CACNA1C: variants seen among roughly 807,000 people sequenced by gnomAD.
CACNA1C encodes the protein calcium voltage-gated channel subunit alpha1 C.
Under a neutral mutation model 229.0 loss-of-function variants are expected in CACNA1C, and 30 were observed. That is an observed-to-expected ratio of 0.13 (90% confidence interval 0.10 to 0.18). The LOEUF (loss-of-function observed/expected upper bound fraction) is 0.18. Ranked by LOEUF, CACNA1C falls within the 10% of genes least tolerant of loss-of-function variation. CACNA1C has a pLI of 1.00. For missense variants in CACNA1C, 1,658 were observed against 2,845.0 expected (o/e 0.58, Z 9.49); for synonymous variants, 1,114 against 1,132.5 (o/e 0.98, Z 0.33).
chr12:2,128,338 A>C (rs1215217734), intron 3 of CACNA1C, among the ~76,000 whole-genome samples: 1 of 152,216 alleles, frequency 6.6e-6, no homozygotes, highest in Non-Finnish European at 1.5e-5. Context: ...ATTTAAAATA[A>C]AAACAAACAA....
intron 30 of CACNA1C, chr12:2,641,747 T>C (rs1163166003): frequency 1.4e-6 from 1 of 702,410 alleles, no homozygotes; most frequent in Non-Finnish European, 2.6e-6. Context: ...GTGGAATGTT[T>C]ATTGTATCTC....
In CACNA1C at chr12:2,585,384, G is replaced by A. The variant is rs1160521285; in HGVS notation, c.2348G>A (p.Ser783Asn). 2.5e-6 allele frequency: 4 copies of A among 1,612,638 alleles called. No individual in the cohort carries two copies. Among genetic ancestry groups the A allele is most frequent in the South Asian group, 2.2e-5 (2 of 90,744 alleles). Reference sequence around the variant, plus strand: ...TGCTGCTGACTGGCCAGGACTGCCAGCCCAGAGAAGAAACAAGAGTTGGTG... The same window carrying A: ...TGCTGCTGACTGGCCAGGACTGCCAACCCAGAGAAGAAACAAGAGTTGGTG... ...KERKKLARTA[S>N]PEKKQELVEK... is the part of the protein sequence containing the mutation. The change falls in exon 17 of 47, where the codon AGC (serine) becomes AAC (asparagine). Residue 783 changes from serine to asparagine, a missense_variant. Around this residue, in one of 20 missense-constraint regions of CACNA1C, gnomAD observed 121 missense variants for 128.8 expected, o/e 0.94. Transcript: ENST00000399655. This position sits in a 1 kb window ranked among gnomAD's most constrained non-coding sequence, Gnocchi z 4.1.
chr12:2,346,138 C>G lies in CACNA1C; in HGVS notation c.478-102838C>G, dbSNP rs955698128. On this transcript the variant is annotated intron_variant, in intron 3 of 46. Transcript: ENST00000399655. This position sits in a 1 kb window ranked among gnomAD's most constrained non-coding sequence, Gnocchi z 4.4. The stretch of plus-strand genomic sequence containing the variant: ...GGAGCCTTCCCAAGACCTGGATCCG[C>G]TGCAAGGTGATAGCCGTGGCTTGGT... 6.6e-6 allele frequency among the ~76,000 whole-genome samples: 1 copy of G among 152,150 alleles called. No individual in the cohort carries two copies. The highest frequency in any genetic ancestry group is 2.4e-5 in the African/African-American group (1 of 41,434).
chr12:2,044,290 T>A (rs964368545), intron 1 of CACNA1C, among the ~76,000 whole-genome samples: 26 of 152,182 alleles, frequency 1.7e-4, no homozygotes, highest in African/African-American at 6.0e-4. Flanking sequence ...CTGCCATACT[T>A]GACAACTCTG....
chr12:2,353,645 G>A (rs1274940039), intron 3 of CACNA1C, among the ~76,000 whole-genome samples: 2 of 152,210 alleles, frequency 1.3e-5, no homozygotes, highest in Admixed American at 6.5e-5. Context: ...TTGTGTTGGG[G>A]CTCAGGGAGA....
chr12:2,466,106 C>T (rs2099548896), intron 5 of CACNA1C, among the ~76,000 whole-genome samples: 1 of 152,118 alleles, frequency 6.6e-6, no homozygotes, highest in African/African-American at 2.4e-5. Flanking sequence ...GATTAGTCAC[C>T]GTGAAACTGG....
rs544678103 is a variant in CACNA1C, at chr12:2,067,191, C to T, written c.49+13580C>T. Among the ~76,000 whole-genome samples the T allele has an allele frequency of 1.3e-3, 194 of 152,160 alleles. No homozygotes were observed. The highest frequency in any genetic ancestry group is 2.0e-3 in the Non-Finnish European group (138 of 67,986). On this transcript the variant is annotated intron_variant, in intron 1 of 46. Transcript: ENST00000399655. The surrounding 1 kb of genome is among the most constrained non-coding windows in gnomAD (Gnocchi z 5.3). The stretch of plus-strand genomic sequence containing the variant: ...CAAGCTCGAGCTGGTGTGGGAGAAT[C>T]AAGGTGGCCAGTGGGATGCAGGAGC...
intron 4 of CACNA1C, among the ~76,000 whole-genome samples, chr12:2,456,190 C>T (rs534498896): frequency 6.6e-6 from 1 of 152,332 alleles, no homozygotes; most frequent in South Asian, 2.1e-4. Context: ...CTTTCTCACA[C>T]CTCACATCTA....
intron 3 of CACNA1C, among the ~76,000 whole-genome samples, chr12:2,184,314 C>T (rs550989383): frequency 6.6e-6 from 1 of 152,288 alleles, no homozygotes; most frequent in South Asian, 2.1e-4. Context: ...CTAGGATGCT[C>T]CATGGACTGT....
intron 1 of CACNA1C, among the ~76,000 whole-genome samples, chr12:2,081,443 C>T (rs918126017): frequency 1.4e-4 from 22 of 152,078 alleles, no homozygotes; most frequent in South Asian, 4.2e-4. Flanking sequence ...TATTGGCGGG[C>T]GCCTGTAGTC....
intron 1 of CACNA1C, among the ~76,000 whole-genome samples, chr12:2,043,720 A>G (rs2050575330): frequency 7.2e-6 from 1 of 139,810 alleles, no homozygotes; most frequent in Admixed American, 7.3e-5. Flanking sequence ...CAGTGGCGCA[A>G]TCTCGGCTCA....
At chr12:2,483,926 G>A (rs1381964727) in intron 5 of CACNA1C, among the ~76,000 whole-genome samples, 1 of 152,178 alleles carries the variant, frequency 6.6e-6, no homozygotes. Flanking sequence ...ATACTCACCA[G>A]CGCTCCAGGA....
At chr12:2,437,350 C>T (rs115417487) in intron 3 of CACNA1C, among the ~76,000 whole-genome samples, 1 of 152,264 alleles carries the variant, frequency 6.6e-6, no homozygotes, top group African/African-American at 2.4e-5. Context: ...CCCATTCTGA[C>T]AATTGTGCCA....
chr12:2,388,536 T>A (rs1309239209), intron 3 of CACNA1C, among the ~76,000 whole-genome samples: 1 of 152,222 alleles, frequency 6.6e-6, no homozygotes, highest in Non-Finnish European at 1.5e-5. Flanking sequence ...GTATGAAGAA[T>A]CTGAGAGAGG....
At chr12:2,321,047 T>C (rs1328438749) in intron 3 of CACNA1C, among the ~76,000 whole-genome samples, 1 of 152,228 alleles carries the variant, frequency 6.6e-6, no homozygotes, top group Non-Finnish European at 1.5e-5. Context: ...ATCACGTATT[T>C]ACAGTTGCTG....
intron 3 of CACNA1C, among the ~76,000 whole-genome samples, chr12:2,184,357 G>A (rs2096933895): frequency 6.6e-6 from 1 of 152,212 alleles, no homozygotes; most frequent in Non-Finnish European, 1.5e-5. Flanking sequence ...CCATACCCTT[G>A]TGTTTACCAC....
intron 3 of CACNA1C, among the ~76,000 whole-genome samples, chr12:2,257,510 G>A (rs1010456592): frequency 2.6e-5 from 4 of 152,164 alleles, no homozygotes; most frequent in African/African-American, 4.8e-5. Context: ...TTCACAATAG[G>A]GTTTGCTCCC....
chr12:2,327,671 T>C (rs3819532), intron 3 of CACNA1C, among the ~76,000 whole-genome samples: 86,735 of 152,094 alleles, frequency 0.57, 25,044 homozygotes, highest in Non-Finnish European at 0.61. Context: ...TTGTGGTTGG[T>C]TGACAAATGA....
intron 4 of CACNA1C, among the ~76,000 whole-genome samples, chr12:2,456,189 AC>A (rs1199455176): frequency 6.6e-6 from 1 of 151,916 alleles, no homozygotes; most frequent in Non-Finnish European, 1.5e-5. Context: ...TCTTTCTCAC[AC>A]CTCACATCTA....
Sources: allele counts gnomAD v4.1 joint callset (sites outside exome capture counted in the v4.1 genomes callset), GRCh38; gene constraint gnomAD v4.1.1; regional missense constraint gnomAD v4.1.1; non-coding constraint Gnocchi (gnomAD v3.1); transcripts MANE v1.5; gene names NCBI Gene and HGNC (gene_info 2026-07-23, HGNC 2026-07-21).